Variants in MTA3 observed in about 807,000 individuals in gnomAD.
The protein encoded by MTA3 is metastasis-associated protein MTA3.
MTA3 carries 34 observed loss-of-function variants against 83.5 expected under a neutral mutation model. The ratio of observed to expected loss-of-function variants is 0.41; its 90% CI spans 0.31 to 0.54. The LOEUF is 0.54. Among genes scored for constraint, MTA3 ranks in the 20% least tolerant of loss-of-function variants. The probability of loss-of-function intolerance (pLI) is 0.33; values close to 1 mark genes in which losing one functional copy is unlikely to be tolerated. For synonymous variants in MTA3, 303 were observed against 252.7 expected (o/e 1.20, Z -1.89); for missense variants, 761 against 726.4 (o/e 1.05, Z -0.55).
At chr2:42,607,082 G>C (rs958790615) in intron 3 of MTA3, among the ~76,000 whole-genome samples, 11 of 124,800 alleles carry the variant, frequency 8.8e-5, no homozygotes, top group African/African-American at 3.8e-4. Context: ...GTAGGGGTAG[G>C]GGTAGGGGTA....
chr2:42,673,701 T>G (rs899164740), intron 8 of MTA3, among the ~76,000 whole-genome samples: 7 of 152,168 alleles, frequency 4.6e-5, no homozygotes, highest in African/African-American at 1.7e-4. Context: ...TACAATCGAA[T>G]GAAGGCCTCA....
rs920477116 is a variant in MTA3, at chr2:42,603,637, C to T, written c.191-5821C>T. Among the ~76,000 whole-genome samples, 8 of 152,236 alleles carry T rather than the reference C, an allele frequency of 5.3e-5. No individual in the cohort carries two copies. The East Asian group carries it at 1.5e-3, about 29-fold the overall frequency. On this transcript the variant is annotated intron_variant, in intron 3 of 16. Coordinates refer to ENST00000405094, the MANE Select transcript of MTA3 (RefSeq NM_001330442.2). ...AAGTCAGTAAAGTAAAAAACTCATA[C>T]TTAGCCAATTTTTGGTTTTCATTTA...
intron 3 of MTA3, among the ~76,000 whole-genome samples, chr2:42,608,094 C>T (rs1371791198): frequency 6.6e-6 from 1 of 152,050 alleles, no homozygotes; most frequent in African/African-American, 2.4e-5. Flanking sequence ...GATTTTGGTC[C>T]TTTTTATGGT....
intron 9 of MTA3, among the ~76,000 whole-genome samples, chr2:42,683,994 A>G (rs1692162288): frequency 6.6e-6 from 1 of 152,196 alleles, no homozygotes; most frequent in Non-Finnish European, 1.5e-5. Flanking sequence ...TTTTCAAGGT[A>G]TACAATATGA....
intron 3 of MTA3, among the ~76,000 whole-genome samples, chr2:42,603,193 T>A (rs970884620): frequency 1.3e-5 from 2 of 151,708 alleles, no homozygotes; most frequent in Non-Finnish European, 2.9e-5. Context: ...GATTGTTAGA[T>A]GTATAAGCCG....
At chr2:42,640,603 A>G (rs188239634) in intron 5 of MTA3, among the ~76,000 whole-genome samples, 2 of 152,208 alleles carry the variant, frequency 1.3e-5, no homozygotes, top group African/African-American at 4.8e-5. Context: ...TTTCTTTTAG[A>G]CTGTTTCCAG....
chr2:42,531,425 G>T, intron 2 of MTA3, among the ~76,000 whole-genome samples: 1 of 134,704 alleles, frequency 7.4e-6, no homozygotes, highest in African/African-American at 2.7e-5. Context: ...TATTTTTTTA[G>T]TAGGATTCAG....
chr2:42,747,004 T>C (rs1669485881), intron 16 of MTA3, among the ~76,000 whole-genome samples: 1 of 146,668 alleles, frequency 6.8e-6, no homozygotes, highest in Admixed American at 7.2e-5. Flanking sequence ...GGTTCTAATT[T>C]TGTTTTTTTT....
At chr2:42,587,977 G>A (rs1680540746) in intron 3 of MTA3, among the ~76,000 whole-genome samples, 1 of 152,070 alleles carries the variant, frequency 6.6e-6, no homozygotes, top group Non-Finnish European at 1.5e-5. Context: ...AAATTAAAAT[G>A]TAAAACTATT....
At chr2:42,637,539 TCAA>T (rs1388742675) in intron 4 of MTA3, among the ~76,000 whole-genome samples, 1 of 152,242 alleles carries the variant, frequency 6.6e-6, no homozygotes, top group African/African-American at 2.4e-5. Context: ...ACCACTTTTA[TCAA>T]CAACTCTTGG....
At chr2:42,673,492 G>A (rs1691030590) in intron 8 of MTA3, among the ~76,000 whole-genome samples, 1 of 152,146 alleles carries the variant, frequency 6.6e-6, no homozygotes, top group South Asian at 2.1e-4. Flanking sequence ...CAGTTGCAGA[G>A]CATTTGCAGT....
chr2:42,570,543 T>C (rs892672614), intron 2 of MTA3, 39 bp downstream of exon 2: 7 of 1,234,414 alleles, frequency 5.7e-6, no homozygotes, highest in Non-Finnish European at 5.6e-6. Flanking sequence ...ATTAAAAATA[T>C]TTATTTTCCC....
At position 42,753,760 on chromosome 2, in the gene MTA3, C is replaced by T. The variant is rs920267940; in HGVS notation, c.*361C>T. On this transcript the variant is annotated 3_prime_UTR_variant, in exon 17 of 17. Transcript: ENST00000405094. ...CAGTGGGGCTGCTGCAAGCTCAGAG[C>T]CGCTGCCACCCTGCATGTGTCCGCT... is the stretch of plus-strand genomic sequence containing the variant. 1.8e-5 allele frequency: 21 copies of T among 1,139,322 alleles called. No individual in the cohort carries two copies. The highest frequency in any genetic ancestry group is 2.1e-5 in the Non-Finnish European group (19 of 921,496). 70.6% of individuals were successfully genotyped at this position (1,139,322 alleles called of 1,614,324 possible). A position where few individuals can be genotyped will look rare whatever the true frequency, so the allele number is the denominator to read the frequency against.
intron 3 of MTA3, among the ~76,000 whole-genome samples, chr2:42,608,590 C>A (rs988192697): frequency 6.6e-6 from 1 of 152,104 alleles, no homozygotes; most frequent in Non-Finnish European, 1.5e-5. Context: ...TTGATAAAAT[C>A]CCTTCTGTGA....
chr2:42,565,970 T>C (rs1352833784), upstream of MTA3, among the ~76,000 whole-genome samples: 3 of 152,062 alleles, frequency 2.0e-5, no homozygotes, highest in African/African-American at 7.2e-5. Context: ...AATCGTGCCA[T>C]TGCACTCCAG....
chr2:42,661,021 A>C (rs1689643712), intron 8 of MTA3, among the ~76,000 whole-genome samples: 1 of 152,152 alleles, frequency 6.6e-6, no homozygotes, highest in Admixed American at 6.5e-5. Flanking sequence ...CTGTACAATT[A>C]TAGATTGTGA....
chr2:42,579,447 A>T (rs1308455874), intron 3 of MTA3, among the ~76,000 whole-genome samples: 4 of 143,506 alleles, frequency 2.8e-5, no homozygotes, highest in African/African-American at 7.8e-5. Flanking sequence ...TTTTTTCCGG[A>T]GACAAAGTTT....
At chr2:42,676,705 G>T (rs1180495029) in intron 8 of MTA3, among the ~76,000 whole-genome samples, 1 of 152,196 alleles carries the variant, frequency 6.6e-6, no homozygotes, top group East Asian at 1.9e-4. Flanking sequence ...GGCAGATGTT[G>T]CAGTGAGCTG....
intron 2 of MTA3, among the ~76,000 whole-genome samples, chr2:42,534,746 G>A (rs1343555253): frequency 6.6e-6 from 1 of 152,068 alleles, no homozygotes; most frequent in East Asian, 1.9e-4. Context: ...CTGTTATTTT[G>A]GACTTCATCT....
Sources: gnomAD v4.1 joint callset for allele counts (sites outside exome capture counted in the v4.1 genomes callset) on GRCh38, gnomAD v4.1.1 for gene constraint, MANE v1.5 for transcripts, NCBI Gene and HGNC (gene_info 2026-07-23, HGNC 2026-07-21) for gene names.